Variants in GSK3B observed in about 807,000 individuals in gnomAD.
GSK3B encodes the protein glycogen synthase kinase 3 beta.
Under a neutral mutation model 56.4 loss-of-function variants are expected in GSK3B, and 15 were observed. The observed-to-expected ratio is 0.27, with a 90% CI of 0.18 to 0.41. The LOEUF (loss-of-function observed/expected upper bound fraction) is 0.41, where lower values mean the gene tolerates loss of function less well. Ranked by LOEUF, GSK3B falls within the 10% of genes least tolerant of loss-of-function variation. GSK3B has a pLI of 1.00. For missense variants in GSK3B, 300 were observed against 513.4 expected, an observed-to-expected ratio of 0.58 and a Z score of 4.02; for synonymous variants, 181 against 188.9, an observed-to-expected ratio of 0.96 and a Z score of 0.34.
intron 1 of GSK3B, among the ~76,000 whole-genome samples, chr3:120,043,699 G>A (rs1172680012): frequency 1.3e-5 from 2 of 152,064 alleles, no homozygotes; most frequent in African/African-American, 4.8e-5. Flanking sequence ...CCCTCTAATT[G>A]TCCATCTCAC....
intron 1 of GSK3B, among the ~76,000 whole-genome samples, chr3:120,036,733 C>T (rs1169735791): frequency 3.1e-5 from 4 of 128,434 alleles, no homozygotes; most frequent in Non-Finnish European, 4.6e-5. Context: ...GCAGAAGTTG[C>T]GGTGAGCCAA....
intron 2 of GSK3B, among the ~76,000 whole-genome samples, chr3:119,994,447 G>A (rs1431746512): frequency 6.6e-6 from 1 of 152,082 alleles, no homozygotes; most frequent in Non-Finnish European, 1.5e-5. Context: ...GTAAAAGCTG[G>A]ATGAGAAAAA....
In GSK3B at chr3:120,094,217, C is replaced by T. The variant is rs1451787936; in HGVS notation, c.-783G>A. 3 of 226,250 alleles carry T rather than the reference C, an allele frequency of 1.3e-5. No homozygotes were observed. The highest frequency in any genetic ancestry group is 1.2e-4 in the Admixed American group (2 of 17,276). The allele number at this position is 226,250 out of a possible 1,614,324, so 14.0% of individuals were successfully genotyped here. ...GAACCCGGCAACCGCTTCCGTCCCT[C>T]GGGGCCCCCTCCCCCGTCCGCGGCA... On this transcript the variant is annotated 5_prime_UTR_variant, in exon 1 of 11. Coordinates refer to ENST00000264235, the MANE Select transcript of GSK3B (RefSeq NM_001146156.2).
intron 2 of GSK3B, among the ~76,000 whole-genome samples, chr3:119,964,827 T>C (rs1385357726): frequency 2.0e-5 from 3 of 152,190 alleles, no homozygotes; most frequent in African/African-American, 7.2e-5. Flanking sequence ...AATAGATATA[T>C]GTTTATTATC....
At chr3:120,033,537 A>G (rs2057995819) in intron 1 of GSK3B, among the ~76,000 whole-genome samples, 1 of 152,004 alleles carries the variant, frequency 6.6e-6, no homozygotes, top group Non-Finnish European at 1.5e-5. Flanking sequence ...GTGGTATCTC[A>G]TGGTTTTGAT....
intron 1 of GSK3B, among the ~76,000 whole-genome samples, chr3:120,038,775 T>C (rs2058042191): frequency 6.6e-6 from 1 of 151,814 alleles, no homozygotes; most frequent in South Asian, 2.1e-4. Context: ...TAACCTTTGG[T>C]TTGACGAGGA....
chr3:119,858,141 G>C (rs1468755176), intron 9 of GSK3B, among the ~76,000 whole-genome samples: 2 of 152,130 alleles, frequency 1.3e-5, no homozygotes, highest in African/African-American at 4.8e-5. Flanking sequence ...AGGATTTTTG[G>C]AACGGTAAAG....
intron 1 of GSK3B, among the ~76,000 whole-genome samples, chr3:120,068,813 T>C (rs1461680262): frequency 1.3e-5 from 2 of 151,956 alleles, no homozygotes; most frequent in African/African-American, 2.4e-5. Context: ...GGATATACAG[T>C]GGTTTATTAA....
intron 3 of GSK3B, among the ~76,000 whole-genome samples, chr3:119,930,120 CACACGT>C (rs774692947): frequency 0.027 from 4,098 of 150,770 alleles, 69 homozygotes; most frequent in Admixed American, 0.042. Flanking sequence ...CACACACACA[CACACGT>C]GCGCATGCAC....
chr3:119,906,144 A>G (rs113350486), intron 6 of GSK3B, among the ~76,000 whole-genome samples: 1 of 152,132 alleles, frequency 6.6e-6, no homozygotes, highest in African/African-American at 2.4e-5. Flanking sequence ...GGATTACAGT[A>G]CCAAAGCTAT....
At chr3:119,922,822 A>G (rs1297571194) in intron 4 of GSK3B, among the ~76,000 whole-genome samples, 1 of 152,188 alleles carries the variant, frequency 6.6e-6, no homozygotes, top group Admixed American at 6.5e-5. Context: ...ACTTTAATAC[A>G]AATTATGCTA....
At chr3:119,856,683 A>T (rs2056027326) in intron 9 of GSK3B, among the ~76,000 whole-genome samples, 2 of 152,096 alleles carry the variant, frequency 1.3e-5, no homozygotes, top group African/African-American at 4.8e-5. Context: ...TGCCCAGAAG[A>T]GTATACCTGA....
At chr3:119,907,348 G>A (rs919858569) in intron 6 of GSK3B, among the ~76,000 whole-genome samples, 1 of 152,024 alleles carries the variant, frequency 6.6e-6, no homozygotes, top group Non-Finnish European at 1.5e-5. Flanking sequence ...TACAAATATG[G>A]AAGACAAAAA....
intron 2 of GSK3B, among the ~76,000 whole-genome samples, chr3:119,962,351 G>A (rs573341707): frequency 2.7e-5 from 4 of 149,494 alleles, no homozygotes; most frequent in South Asian, 4.3e-4. Flanking sequence ...CTCCAGCCTG[G>A]GCAACAAGAG....
At chr3:119,862,580 T>C (rs1577322695) in intron 9 of GSK3B, among the ~76,000 whole-genome samples, 1 of 150,886 alleles carries the variant, frequency 6.6e-6, no homozygotes. Flanking sequence ...GAAATATATT[T>C]CTTTCTTGGT....
chr3:119,846,128 T>C (rs1476832884), intron 9 of GSK3B, among the ~76,000 whole-genome samples: 3 of 152,096 alleles, frequency 2.0e-5, no homozygotes, highest in Admixed American at 1.3e-4. Flanking sequence ...CCCTTCCTTA[T>C]ACCTTATACA....
intron 1 of GSK3B, among the ~76,000 whole-genome samples, chr3:120,056,274 G>T (rs921441260): frequency 1.3e-5 from 2 of 152,192 alleles, no homozygotes; most frequent in Admixed American, 1.3e-4. Context: ...AAGATCTACA[G>T]ATGTCTTTGA....
At chr3:120,063,703 G>A (rs940392122) in intron 1 of GSK3B, among the ~76,000 whole-genome samples, 4 of 145,390 alleles carry the variant, frequency 2.8e-5, no homozygotes, top group Non-Finnish European at 4.5e-5. Flanking sequence ...ACTGCAGCCT[G>A]GGTGACAGAG....
intron 7 of GSK3B, among the ~76,000 whole-genome samples, chr3:119,883,716 T>G (rs1031171460): frequency 5.9e-5 from 9 of 152,132 alleles, no homozygotes; most frequent in Non-Finnish European, 1.3e-4. Flanking sequence ...GGAGTACCTT[T>G]TCAGAGGTCA....
Sources: allele counts gnomAD v4.1 joint callset (sites outside exome capture counted in the v4.1 genomes callset), GRCh38; gene constraint gnomAD v4.1.1; transcripts MANE v1.5; gene names NCBI Gene and HGNC (gene_info 2026-07-23, HGNC 2026-07-21).